The following SOX5 variants were observed in gnomAD, a reference collection of about 807,000 sequenced individuals.
SOX5 encodes SRY-box transcription factor 5, also known as transcription factor SOX-5.
A neutral mutation model predicts 92.0 loss-of-function variants in SOX5; 9 were observed. The ratio of observed to expected loss-of-function variants is 0.10; its 90% CI spans 0.06 to 0.17. The LOEUF is 0.17. Ranked by LOEUF, SOX5 falls within the 10% of genes least tolerant of loss-of-function variation. The probability of loss-of-function intolerance (pLI) is 1.00; values close to 1 mark genes in which losing one functional copy is unlikely to be tolerated. For synonymous variants in SOX5, 344 were observed against 336.3 expected, an observed-to-expected ratio of 1.02 and a Z score of -0.25; for missense variants, 642 against 944.5, an observed-to-expected ratio of 0.68 and a Z score of 4.20.
intron 6 of SOX5, among the ~76,000 whole-genome samples, chr12:23,711,139 C>A (rs891095154): frequency 6.6e-6 from 1 of 152,080 alleles, no homozygotes; most frequent in African/African-American, 2.4e-5. Flanking sequence ...CAAAAAGAGT[C>A]TATTTCTATG....
intron 6 of SOX5, among the ~76,000 whole-genome samples, chr12:23,686,624 AG>A (rs2087636019): frequency 6.6e-6 from 1 of 152,172 alleles, no homozygotes; most frequent in African/African-American, 2.4e-5. Flanking sequence ...TTCTCTTTTA[AG>A]AAAAGCATAT....
chr12:23,877,859 C>A (rs765858294), intron 2 of SOX5, among the ~76,000 whole-genome samples: 1 of 151,912 alleles, frequency 6.6e-6, no homozygotes, highest in African/African-American at 2.4e-5. Context: ...TTTATCACTT[C>A]TAATTTTGTG....
intron 2 of SOX5, among the ~76,000 whole-genome samples, chr12:23,850,008 T>C (rs2096613914): frequency 6.6e-6 from 1 of 152,158 alleles, no homozygotes; most frequent in Admixed American, 6.6e-5. Context: ...GAATGCATGT[T>C]CAGTAATTTG....
intron 2 of SOX5, among the ~76,000 whole-genome samples, chr12:24,335,527 G>A (rs868321556): frequency 6.6e-5 from 10 of 152,250 alleles, no homozygotes; most frequent in Middle Eastern, 3.4e-3. Flanking sequence ...TAAGTTACTT[G>A]TTGGAGGTCC....
chr12:24,169,215 T>C (rs1198788901), intron 4 of SOX5, among the ~76,000 whole-genome samples: 1 of 152,222 alleles, frequency 6.6e-6, no homozygotes, highest in Non-Finnish European at 1.5e-5. Context: ...TGCTATATTC[T>C]CAGTGGAAGA....
intron 4 of SOX5, among the ~76,000 whole-genome samples, chr12:23,751,644 A>G (rs1167522122): frequency 2.0e-5 from 3 of 151,872 alleles, no homozygotes; most frequent in Non-Finnish European, 4.4e-5. Flanking sequence ...CAGAATCTAC[A>G]TTGCCCATGT....
intron 1 of SOX5, among the ~76,000 whole-genome samples, chr12:24,450,079 G>A (rs1942050067): frequency 6.6e-6 from 1 of 152,160 alleles, no homozygotes; most frequent in Admixed American, 6.5e-5. Flanking sequence ...CAATGAGGAA[G>A]CTGGGTATTA....
At chr12:23,608,115 G>GAAA (rs772255622) in intron 8 of SOX5, among the ~76,000 whole-genome samples, 12 of 44,064 alleles carry the variant, frequency 2.7e-4, no homozygotes, top group South Asian at 1.1e-3. Context: ...AAAGAAAAAA[G>GAAA]AAAAAAAAAA....
intron 4 of SOX5, among the ~76,000 whole-genome samples, chr12:23,989,449 GA>G (rs909845402): frequency 1.3e-5 from 2 of 151,946 alleles, no homozygotes; most frequent in Non-Finnish European, 2.9e-5. Flanking sequence ...TTGACTGTAG[GA>G]TATTGAATGG....
chr12:24,112,960 G>A (rs1484297814), intron 4 of SOX5, among the ~76,000 whole-genome samples: 26 of 151,742 alleles, frequency 1.7e-4, no homozygotes, highest in Non-Finnish European at 2.9e-5. Flanking sequence ...AAGACTGAAA[G>A]CCATAAAATA....
intron 6 of SOX5, among the ~76,000 whole-genome samples, chr12:23,717,570 A>T (rs896136705): frequency 1.3e-5 from 2 of 152,224 alleles, no homozygotes; most frequent in Admixed American, 6.5e-5. Flanking sequence ...GGGGAGAATT[A>T]TATTTCCTAT....
At chr12:24,014,569 G>C (rs1281974345) in intron 4 of SOX5, among the ~76,000 whole-genome samples, 1 of 152,182 alleles carries the variant, frequency 6.6e-6, no homozygotes, top group Non-Finnish European at 1.5e-5. Flanking sequence ...AACTTGAATT[G>C]AGTAGTTAAT....
At chr12:24,388,786 C>T (rs899774986) in intron 1 of SOX5, among the ~76,000 whole-genome samples, 1 of 152,048 alleles carries the variant, frequency 6.6e-6, no homozygotes, top group African/African-American at 2.4e-5. Flanking sequence ...CTTTGCATCC[C>T]CAGGTAGCCA....
At chr12:24,095,118 C>CAGAG (rs1316678789) in intron 4 of SOX5, among the ~76,000 whole-genome samples, 5 of 82,642 alleles carry the variant, frequency 6.1e-5, no homozygotes, top group South Asian at 1.3e-3. Flanking sequence ...CACACACACA[C>CAGAG]ACACACACAC....
chr12:23,951,186 T>A (rs1945573911), upstream of SOX5, among the ~76,000 whole-genome samples: 1 of 152,106 alleles, frequency 6.6e-6, no homozygotes, highest in Non-Finnish European at 1.5e-5. Flanking sequence ...AAAGCCGAAG[T>A]GATTAACTGG....
At chr12:23,597,677 G>C (rs1004859169) in intron 9 of SOX5, among the ~76,000 whole-genome samples, 1 of 152,102 alleles carries the variant, frequency 6.6e-6, no homozygotes, top group Admixed American at 6.6e-5. Context: ...TAACTCTATG[G>C]GGTGATTCTT....
In SOX5 at chr12:23,834,828, T is replaced by C. The variant is rs138994865; in HGVS notation, c.481+11155A>G. On this transcript the variant is annotated intron_variant, in intron 3 of 14. Coordinates refer to ENST00000451604, the MANE Select transcript of SOX5 (RefSeq NM_006940.6). ...GAAAAGTGAGTTGTGTCTGTTGTGG[T>C]TCTAGGAGGAAGAAACTTAACTGTG... 1.5e-3 allele frequency among the ~76,000 whole-genome samples: 231 copies of C among 151,918 alleles called. 2 individuals carry two copies. The highest frequency in any genetic ancestry group is 5.1e-3 in the African/African-American group (212 of 41,520).
intron 1 of SOX5, among the ~76,000 whole-genome samples, chr12:23,906,043 G>A (rs1319748759): frequency 6.6e-6 from 1 of 152,068 alleles, no homozygotes; most frequent in Non-Finnish European, 1.5e-5. Flanking sequence ...TTTAAGTATC[G>A]AAGAGAAATT....
intron 6 of SOX5, among the ~76,000 whole-genome samples, chr12:23,707,531 G>A (rs2091545299): frequency 6.6e-6 from 1 of 152,074 alleles, no homozygotes; most frequent in Non-Finnish European, 1.5e-5. Context: ...CTACATTAGA[G>A]ATAAGAGTAG....
Sources: gnomAD v4.1 joint callset for allele counts (sites outside exome capture counted in the v4.1 genomes callset) on GRCh38, gnomAD v4.1.1 for gene constraint, MANE v1.5 for transcripts, NCBI Gene and HGNC (gene_info 2026-07-23, HGNC 2026-07-21) for gene names.